The following TSG101 variants were observed in gnomAD, a reference collection of about 807,000 sequenced individuals.
TSG101 encodes tumor susceptibility gene 101 protein.
In TSG101, 19 loss-of-function variants were observed where a neutral mutation model predicts 48.5. That is an observed-to-expected ratio of 0.39 (90% CI 0.27 to 0.58). The LOEUF (loss-of-function observed/expected upper bound fraction) is 0.58. TSG101 is among the 20% of genes least tolerant of loss of function. TSG101 has a pLI of 0.55. For missense variants in TSG101, 365 were observed against 484.4 expected (o/e 0.75, Z 2.31); for synonymous variants, 174 against 169.4 (o/e 1.03, Z -0.21).
intron 1 of TSG101, among the ~76,000 whole-genome samples, chr11:18,520,544 A>G (rs1370075299): frequency 2.0e-5 from 3 of 151,956 alleles, no homozygotes; most frequent in African/African-American, 7.3e-5. Flanking sequence ...TTATTCACCT[A>G]CTGTTCAGCT....
chr11:18,503,652 G>C (rs1234646705), intron 6 of TSG101, among the ~76,000 whole-genome samples: 1 of 152,110 alleles, frequency 6.6e-6, no homozygotes, highest in African/African-American at 2.4e-5. Flanking sequence ...GATTACAGCT[G>C]TGAGCCACCG....
intron 8 of TSG101, among the ~76,000 whole-genome samples, chr11:18,482,831 C>G (rs1849561676): frequency 6.6e-6 from 1 of 152,150 alleles, no homozygotes; most frequent in Non-Finnish European, 1.5e-5. Flanking sequence ...CTAAGATGTG[C>G]AGATCTTTAT....
At chr11:18,484,098 C>G (rs754650570) in intron 7 of TSG101, 26 bp from the exon 8 acceptor site, 22 of 1,610,354 alleles carry the variant, frequency 1.4e-5, no homozygotes, top group Non-Finnish European at 1.8e-5. Flanking sequence ...GCAAAAAACA[C>G]TTGCTTACTT....
At chr11:18,496,385 TGAGCCGA>T (rs1012711376) in intron 7 of TSG101, among the ~76,000 whole-genome samples, 2 of 151,066 alleles carry the variant, frequency 1.3e-5, no homozygotes, top group African/African-American at 2.4e-5. Flanking sequence ...GAGATTACAG[TGAGCCGA>T]GATCATGCCA....
At chr11:18,521,664 CCCTT>C (rs1850278414) in intron 1 of TSG101, among the ~76,000 whole-genome samples, 1 of 142,832 alleles carries the variant, frequency 7.0e-6, no homozygotes, top group Non-Finnish European at 1.5e-5. Context: ...TGCACCTGGC[CCCTT>C]CCTTTTTTTT....
At chr11:18,525,500 C>T (rs1048956968) in intron 1 of TSG101, among the ~76,000 whole-genome samples, 71 of 142,550 alleles carry the variant, frequency 5.0e-4, no homozygotes, top group African/African-American at 1.7e-3. Context: ...GAGCCAAGAT[C>T]GTGCCACTGC....
intron 1 of TSG101, among the ~76,000 whole-genome samples, chr11:18,521,628 G>C (rs1374374457): frequency 6.9e-6 from 1 of 144,676 alleles, no homozygotes; most frequent in Admixed American, 6.9e-5. Flanking sequence ...GCCTTCCAAA[G>C]TGTTGGTATT....
Position 18,502,533 on chromosome 11 carries a change from G to A in TSG101, c.593C>T (p.Ala198Val). Residue 198 changes from alanine (A) to valine (V), a missense_variant, in exon 7 of 10, where the codon GCC becomes GTC. Coordinates refer to ENST00000251968, the MANE Select transcript of TSG101 (RefSeq NM_006292.4). ...AGAAGGGTACTGAGAACTTGTTGTG[G>A]CAGGATATGGACCACCAGGTGGGTA... is the stretch of plus-strand genomic sequence containing the variant. ...CPYPPGGPYPATTSSQYPSQP... is the reference protein window; with the variant it reads ...CPYPPGGPYPVTTSSQYPSQP... 1 of 1,613,302 alleles carries A rather than the reference G, an allele frequency of 6.2e-7. No individual in the cohort carries two copies. The highest frequency in any genetic ancestry group is 8.5e-7 in the Non-Finnish European group (1 of 1,179,656).
At chr11:18,501,076 G>A (rs1437513032) in intron 7 of TSG101, among the ~76,000 whole-genome samples, 1 of 152,154 alleles carries the variant, frequency 6.6e-6, no homozygotes, top group Non-Finnish European at 1.5e-5. Flanking sequence ...CCAAAGTGCT[G>A]GGATTACAGA....
chr11:18,482,798 G>C (rs1471871063), intron 8 of TSG101, among the ~76,000 whole-genome samples: 1 of 152,200 alleles, frequency 6.6e-6, no homozygotes, highest in African/African-American at 2.4e-5. Flanking sequence ...CAATAAAATA[G>C]TACTGTCCTT....
intron 6 of TSG101, among the ~76,000 whole-genome samples, chr11:18,504,401 T>C (rs1025578469): frequency 2.0e-5 from 3 of 151,968 alleles, no homozygotes; most frequent in African/African-American, 4.8e-5. Context: ...ACTTCTCTTA[T>C]ATATCAGTAT....
Position 18,495,583 on chromosome 11 carries a change from A to G in TSG101, c.640+6903T>C, listed in dbSNP as rs533830181. Among the ~76,000 whole-genome samples, 3 of 151,958 alleles carry G rather than the reference A, an allele frequency of 2.0e-5. No individual in the cohort carries two copies. In the South Asian group the frequency reaches 6.2e-4, roughly 32 times the overall value. ...TCTTGTATGTGAAACTGATTAAGATAGGTATAGTCAGTTTATGTTTTGCTC... is the reference window on the plus strand; with the variant it reads ...TCTTGTATGTGAAACTGATTAAGATGGGTATAGTCAGTTTATGTTTTGCTC... On this transcript the variant is annotated intron_variant, in intron 7 of 9. Transcript: ENST00000251968.
At chr11:18,512,318 T>C (rs974255932) in intron 4 of TSG101, among the ~76,000 whole-genome samples, 3 of 152,142 alleles carry the variant, frequency 2.0e-5, no homozygotes, top group Admixed American at 2.0e-4. Flanking sequence ...AGGCAGTCTC[T>C]ATTCTACTGA....
Position 18,519,536 on chromosome 11 carries a change from G to C in TSG101, c.110C>G (p.Pro37Arg), listed in dbSNP as rs903078448. ...NVITLYKDLK[P>R]VLDSYVFNDG... is the part of the protein sequence containing the mutation. ...AAACTCACCATATGAATCCAAAACA[G>C]GTTTGAGATCTTTGTATAGAGTAAT... Residue 37 changes from proline to arginine, a missense_variant, in exon 2 of 10, where the codon CCT becomes CGT. Coordinates refer to ENST00000251968, the MANE Select transcript of TSG101 (RefSeq NM_006292.4). 6.8e-6 allele frequency: 11 copies of C among 1,612,076 alleles called. No homozygotes were observed. The Admixed American group carries it at 1.2e-4, about 17-fold the overall frequency.
At chr11:18,512,401 C>A (rs1330452449) in intron 4 of TSG101, among the ~76,000 whole-genome samples, 1 of 152,074 alleles carries the variant, frequency 6.6e-6, no homozygotes, top group Non-Finnish European at 1.5e-5. Flanking sequence ...CTAAGATTTC[C>A]ACTTAGTTTC....
intron 5 of TSG101, among the ~76,000 whole-genome samples, chr11:18,508,319 C>T (rs984360349): frequency 2.6e-5 from 4 of 151,190 alleles, no homozygotes; most frequent in African/African-American, 4.9e-5. Context: ...CCTCAGCCTC[C>T]CGAGTAGCTG....
Position 18,481,889 on chromosome 11 carries a change from A to G in TSG101, c.844-20T>C, listed in dbSNP as rs760523726. On this transcript the variant is annotated intron_variant, in intron 8 of 9. Transcript: ENST00000251968. ...CTCGGCCTGAAAACAGAACAGTCCAAGCATTAATAACTGTACATAATTATC... is the reference window on the plus strand; with the variant it reads ...CTCGGCCTGAAAACAGAACAGTCCAGGCATTAATAACTGTACATAATTATC... 7 of 1,610,250 alleles carry G rather than the reference A, an allele frequency of 4.3e-6. No individual in the cohort carries two copies.
chr11:18,490,334 A>AT (rs1482699365), intron 7 of TSG101: 1 of 600,028 alleles, frequency 1.7e-6, no homozygotes, highest in Non-Finnish European at 3.2e-6. Context: ...TGCTGTCTTT[A>AT]TAAGACTCTT....
rs1850232184 is a variant in TSG101, at chr11:18,519,465, CAAAG to C, written c.127+50_127+53del. On this transcript the variant is annotated intron_variant, in intron 2 of 9. Coordinates refer to ENST00000251968, the MANE Select transcript of TSG101 (RefSeq NM_006292.4). ...AAATGGAAAAAATTACAATCATTAA[CAAAG>C]AGAGTAAACTCAAAGTATAGAAATT... 4.3e-6 allele frequency: 6 copies of C among 1,401,518 alleles called. No individual in the cohort carries two copies. The South Asian group carries it at 4.9e-5, about 11-fold the overall frequency. 86.8% of individuals were successfully genotyped at this position (1,401,518 alleles called of 1,614,324 possible). A position where few individuals can be genotyped will look rare whatever the true frequency, so the allele number is the denominator to read the frequency against.
Sources: allele counts gnomAD v4.1 joint callset (sites outside exome capture counted in the v4.1 genomes callset), GRCh38; gene constraint gnomAD v4.1.1; transcripts MANE v1.5; gene names NCBI Gene and HGNC (gene_info 2026-07-23, HGNC 2026-07-21).